The following LRRC4C variants were observed in gnomAD, a reference collection of about 807,000 sequenced individuals.
The protein encoded by LRRC4C is leucine rich repeat containing 4C, also known as leucine-rich repeat-containing protein 4C.
Under a neutral mutation model 33.6 loss-of-function variants are expected in LRRC4C, and 5 were observed. The observed-to-expected ratio is 0.15, with a 90% CI of 0.08 to 0.31. LRRC4C has a LOEUF of 0.31. Among genes scored for constraint, LRRC4C ranks in the 10% least tolerant of loss-of-function variants. The pLI is 1.00. For missense variants in LRRC4C, 560 were observed against 796.7 expected, an observed-to-expected ratio of 0.70 and a Z score of 3.58; for synonymous variants, 329 against 302.0, an observed-to-expected ratio of 1.09 and a Z score of -0.93.
At chr11:40,488,283 C>G (rs200532651) in intron 3 of LRRC4C, among the ~76,000 whole-genome samples, 1 of 146,698 alleles carries the variant, frequency 6.8e-6, no homozygotes, top group Non-Finnish European at 1.5e-5. Flanking sequence ...TGTTTTTTTC[C>G]CCCCCCCACT....
intron 1 of LRRC4C, among the ~76,000 whole-genome samples, chr11:41,398,193 C>A (rs991334888): frequency 7.9e-5 from 12 of 151,964 alleles, no homozygotes; most frequent in African/African-American, 2.7e-4. Context: ...TCTACTGCCT[C>A]AGGGGTCACA....
chr11:40,251,399 C>T (rs778773556), intron 4 of LRRC4C, among the ~76,000 whole-genome samples: 24 of 152,100 alleles, frequency 1.6e-4, no homozygotes, highest in African/African-American at 3.4e-4. Context: ...GGAGCACCTT[C>T]GAGTACACAG....
intron 2 of LRRC4C, among the ~76,000 whole-genome samples, chr11:40,688,072 T>G (rs536226426): frequency 6.6e-6 from 1 of 152,154 alleles, no homozygotes; most frequent in African/African-American, 2.4e-5. Flanking sequence ...CTTACAAAAA[T>G]AATTTGAATT....
chr11:40,981,076 G>GT (rs1315827829), intron 1 of LRRC4C, among the ~76,000 whole-genome samples: 1 of 152,172 alleles, frequency 6.6e-6, no homozygotes, highest in African/African-American at 2.4e-5. Context: ...AGCTAGTCGG[G>GT]TATGGGGGCT....
intron 4 of LRRC4C, among the ~76,000 whole-genome samples, chr11:40,296,576 C>A (rs1487456961): frequency 6.6e-6 from 1 of 152,060 alleles, no homozygotes; most frequent in Non-Finnish European, 1.5e-5. Context: ...TCATTTTCTG[C>A]CCTGAATGCC....
At chr11:41,098,058 CAG>C (rs1423822119) in intron 1 of LRRC4C, among the ~76,000 whole-genome samples, 1 of 152,064 alleles carries the variant, frequency 6.6e-6, no homozygotes, top group East Asian at 1.9e-4. Context: ...TGCCTGAAAG[CAG>C]AGAGACTCTG....
chr11:41,395,874 A>C (rs549730275), intron 1 of LRRC4C, among the ~76,000 whole-genome samples: 1 of 152,162 alleles, frequency 6.6e-6, no homozygotes, highest in South Asian at 2.1e-4. Flanking sequence ...ACTTTTTGTG[A>C]ATCTCAGGGA....
intron 1 of LRRC4C, among the ~76,000 whole-genome samples, chr11:41,068,536 A>G (rs1397428528): frequency 6.6e-6 from 1 of 152,210 alleles, no homozygotes; most frequent in African/African-American, 2.4e-5. Flanking sequence ...TAAACAGGAT[A>G]TCACCACTGA....
At chr11:40,235,619 G>A (rs1865501785) in intron 5 of LRRC4C, among the ~76,000 whole-genome samples, 1 of 152,148 alleles carries the variant, frequency 6.6e-6, no homozygotes, top group African/African-American at 2.4e-5. Flanking sequence ...GATACAAGTC[G>A]TGAAAAGTGT....
intron 1 of LRRC4C, among the ~76,000 whole-genome samples, chr11:41,105,379 T>C (rs1056204475): frequency 1.3e-5 from 2 of 152,070 alleles, no homozygotes; most frequent in African/African-American, 2.4e-5. Context: ...TTGCATCTTA[T>C]ATATACATCA....
intron 1 of LRRC4C, among the ~76,000 whole-genome samples, chr11:41,152,180 C>T (rs560305657): frequency 6.6e-6 from 1 of 152,302 alleles, no homozygotes; most frequent in Admixed American, 6.5e-5. Context: ...AGGGACGGCA[C>T]CAGCCTTTAT....
chr11:40,387,747 G>A (rs772349522), intron 3 of LRRC4C, among the ~76,000 whole-genome samples: 1 of 152,146 alleles, frequency 6.6e-6, no homozygotes, highest in Admixed American at 6.5e-5. Flanking sequence ...CCAGGTTAAT[G>A]AATAAACTCT....
chr11:40,702,618 A>G (rs1008728078), intron 2 of LRRC4C, among the ~76,000 whole-genome samples: 3 of 152,096 alleles, frequency 2.0e-5, no homozygotes, highest in African/African-American at 7.2e-5. Context: ...TCATGAGCAC[A>G]ATTTTGTCTT....
intron 1 of LRRC4C, among the ~76,000 whole-genome samples, chr11:41,031,780 C>A (rs1798785143): frequency 6.6e-6 from 1 of 152,136 alleles, no homozygotes; most frequent in Admixed American, 6.6e-5. Flanking sequence ...AATCATCAGT[C>A]TAAGTAGCCA....
intron 3 of LRRC4C, among the ~76,000 whole-genome samples, chr11:40,629,845 A>G (rs931276666): frequency 6.6e-6 from 1 of 152,210 alleles, no homozygotes; most frequent in East Asian, 1.9e-4. Flanking sequence ...CTACATAGAC[A>G]TAGAATCTAT....
At position 40,834,911 on chromosome 11, in the gene LRRC4C, G is replaced by GACAGACAGACAGACACACACAC. The variant is rs748483585; in HGVS notation, c.-407+98723_-407+98724insGTGTGTGTGTCTGTCTGTCTGT. On this transcript the variant is annotated intron_variant, in intron 2 of 6. Coordinates refer to ENST00000528697, the MANE Select transcript of LRRC4C (RefSeq NM_001258419.2). Reference sequence around the variant, plus strand: ...AGACAGACAGACAGACAGACAGACAGACACACACACACACACACACACACA... The same window carrying GACAGACAGACAGACACACACAC: ...AGACAGACAGACAGACAGACAGACAGACAGACAGACAGACACACACACACACACACACACACACACACACACA... Among the ~76,000 whole-genome samples, 162 of 84,930 alleles carry GACAGACAGACAGACACACACAC rather than the reference G, an allele frequency of 1.9e-3. 3 individuals carry two copies. The highest frequency in any genetic ancestry group is 6.3e-3 in the Middle Eastern group (1 of 160). 55.7% of individuals were successfully genotyped at this position (84,930 alleles called of 152,430 possible).
intron 1 of LRRC4C, among the ~76,000 whole-genome samples, chr11:41,168,591 C>T (rs1944833372): frequency 6.6e-6 from 1 of 151,616 alleles, no homozygotes; most frequent in Non-Finnish European, 1.5e-5. Flanking sequence ...CAGGATAGGC[C>T]TTTGTAGCTG....
intron 1 of LRRC4C, among the ~76,000 whole-genome samples, chr11:41,448,098 C>G (rs1009546864): frequency 9.7e-6 from 1 of 102,826 alleles, no homozygotes; most frequent in East Asian, 2.4e-4. Flanking sequence ...ACCAGACACA[C>G]AAACGAGGCT....
At chr11:41,159,753 G>A (rs1944385491) in intron 1 of LRRC4C, among the ~76,000 whole-genome samples, 1 of 152,056 alleles carries the variant, frequency 6.6e-6, no homozygotes, top group Non-Finnish European at 1.5e-5. Context: ...CCAACATAAA[G>A]AGAGATACAC....
Sources: allele counts gnomAD v4.1 joint callset (sites outside exome capture counted in the v4.1 genomes callset), GRCh38; gene constraint gnomAD v4.1.1; transcripts MANE v1.5; gene names NCBI Gene and HGNC (gene_info 2026-07-23, HGNC 2026-07-21).